Variants in NNT observed in about 807,000 individuals in gnomAD.
NNT encodes NAD(P) transhydrogenase, mitochondrial.
A neutral mutation model predicts 104.8 loss-of-function variants in NNT; 50 were observed. The ratio of observed to expected loss-of-function variants is 0.48; its 90% CI spans 0.38 to 0.60. NNT has a LOEUF of 0.60. Ranked by LOEUF, NNT falls within the 20% of genes least tolerant of loss-of-function variation. NNT has a pLI of 0.00. For synonymous variants in NNT, 461 were observed against 490.4 expected, an observed-to-expected ratio of 0.94 and a Z score of 0.79; for missense variants, 1,131 against 1,330.7, an observed-to-expected ratio of 0.85 and a Z score of 2.33.
chr5:43,660,381 T>C (rs13181483), intron 17 of NNT, among the ~76,000 whole-genome samples: 5,141 of 152,312 alleles, frequency 0.034, 135 homozygotes, highest in East Asian at 0.12. Flanking sequence ...AGTTCTCTTC[T>C]TGATGGCAAG....
intron 19 of NNT, among the ~76,000 whole-genome samples, chr5:43,679,935 T>C (rs2112122724): frequency 6.6e-6 from 1 of 151,934 alleles, no homozygotes; most frequent in South Asian, 2.1e-4. Context: ...TTCAGTCTAG[T>C]TTCTCTATTT....
intron 7 of NNT, among the ~76,000 whole-genome samples, chr5:43,629,202 C>T (rs1750545239): frequency 1.3e-5 from 2 of 152,058 alleles, no homozygotes; most frequent in African/African-American, 4.8e-5. Context: ...TATATCATAG[C>T]TTAGCTTCCA....
intron 17 of NNT, among the ~76,000 whole-genome samples, chr5:43,672,191 AT>A (rs1741140735): frequency 6.6e-6 from 1 of 151,986 alleles, no homozygotes. Context: ...TCGTCTTAAT[AT>A]TTTTTCAAGG....
chr5:43,604,984 C>G (rs1014587563), intron 1 of NNT, among the ~76,000 whole-genome samples: 1 of 152,052 alleles, frequency 6.6e-6, no homozygotes, highest in Non-Finnish European at 1.5e-5. Context: ...TGCTATTATT[C>G]CCCATTTTAA....
chr5:43,659,012 G>C (rs1178917627), intron 16 of NNT, among the ~76,000 whole-genome samples, 159 bp from the exon 17 acceptor site: 1 of 152,102 alleles, frequency 6.6e-6, no homozygotes, highest in Non-Finnish European at 1.5e-5. Flanking sequence ...TATACCTGTG[G>C]AAGTGTTGGT....
rs754633238 is a variant in NNT, at chr5:43,609,260, C to G, written c.65C>G (p.Ser22Cys). The part of the protein sequence containing the change: ...CSCPLLSNLG[S>C]CKGLRVKKDF... ...TGTCCTCTACTTAGCAATTTGGGGT[C>G]CTGTAAGGGTCTACGTGTGAAGAAG... The change falls in exon 2 of 22, where the codon TCC becomes TGC. Residue 22 changes from serine to cysteine, a missense_variant. By Grantham distance (112) the Ser-to-Cys change is moderately radical. Transcript: ENST00000344920. 1.2e-6 allele frequency: 2 copies of G among 1,613,792 alleles called. No homozygotes were observed. Among genetic ancestry groups the G allele is most frequent in the Admixed American group, 3.3e-5 (2 of 60,006 alleles).
At chr5:43,693,803 G>C (rs769568032) in intron 19 of NNT, among the ~76,000 whole-genome samples, 4 of 152,174 alleles carry the variant, frequency 2.6e-5, no homozygotes, top group Non-Finnish European at 4.4e-5. Flanking sequence ...CATTAAGATG[G>C]TGAGGTTGGA....
chr5:43,675,988 T>G (rs1741396380), intron 18 of NNT, among the ~76,000 whole-genome samples: 1 of 152,196 alleles, frequency 6.6e-6, no homozygotes, highest in Admixed American at 6.5e-5. Context: ...TTGTCAAGAT[T>G]AAATTAGATA....
chr5:43,680,162 A>G (rs970638861), intron 19 of NNT, among the ~76,000 whole-genome samples: 2 of 152,030 alleles, frequency 1.3e-5, no homozygotes, highest in Admixed American at 6.5e-5. Flanking sequence ...ATTGAAAGAG[A>G]TTTGTAGAAA....
At chr5:43,612,754 A>C in intron 2 of NNT, among the ~76,000 whole-genome samples, 154 bp from the exon 3 acceptor site, 1 of 152,236 alleles carries the variant, frequency 6.6e-6, no homozygotes, top group East Asian at 1.9e-4. Context: ...AATTATAAGT[A>C]TGAATCAGGA....
At chr5:43,693,492 ATTTTG>A (rs1447861140) in intron 19 of NNT, among the ~76,000 whole-genome samples, 7 of 152,208 alleles carry the variant, frequency 4.6e-5, no homozygotes, top group Admixed American at 2.0e-4. Context: ...TCCTTGTAAC[ATTTTG>A]GAAATGCTTT....
At chr5:43,695,309 T>A (rs16873493) in intron 19 of NNT, among the ~76,000 whole-genome samples, 1 of 152,130 alleles carries the variant, frequency 6.6e-6, no homozygotes, top group Non-Finnish European at 1.5e-5. Flanking sequence ...GATGCGCCTA[T>A]ATGAAGAGTG....
chr5:43,645,253 A>G, intron 9 of NNT, 104 bp from the exon 10 acceptor site: 2 of 563,394 alleles, frequency 3.5e-6, no homozygotes, highest in Non-Finnish European at 5.4e-6. Flanking sequence ...TTTACATAAA[A>G]TTATATTTAA....
intron 10 of NNT, chr5:43,648,391 C>A: frequency 4.9e-6 from 1 of 202,118 alleles, no homozygotes; most frequent in Non-Finnish European, 9.1e-6. Flanking sequence ...TCTTCTGTTG[C>A]AGAACAACTG....
rs1469749155 is a variant in NNT, at chr5:43,699,259, CAT to C, written c.2877-859_2877-858del. On this transcript the variant is annotated intron_variant, in intron 19 of 21. Coordinates refer to ENST00000344920, the MANE Select transcript of NNT (RefSeq NM_182977.3). ...TAGATGCTCCTGTGTGTTCCCATCA[CAT>C]GTCTTCTGTGATGTGGAGTAGTATT... Among the ~76,000 whole-genome samples the C allele has an allele frequency of 2.0e-5, 3 of 151,744 alleles. No individual in the cohort carries two copies. In the East Asian group the frequency reaches 5.8e-4, roughly 29 times the overall value.
At chr5:43,666,416 C>T (rs1262586651) in intron 17 of NNT, among the ~76,000 whole-genome samples, 1 of 152,208 alleles carries the variant, frequency 6.6e-6, no homozygotes, top group African/African-American at 2.4e-5. Context: ...CACGGCGAAA[C>T]CCCGTCTCCA....
chr5:43,660,664 G>C (rs1740306607), intron 17 of NNT, among the ~76,000 whole-genome samples: 1 of 152,200 alleles, frequency 6.6e-6, no homozygotes, highest in Admixed American at 6.5e-5. Context: ...GCCACAGGAA[G>C]CTTACAATCA....
chr5:43,691,070 A>AGAGTGTGTGTGT (rs1245517310), intron 19 of NNT, among the ~76,000 whole-genome samples: 8 of 137,402 alleles, frequency 5.8e-5, no homozygotes, highest in Admixed American at 7.3e-5. Flanking sequence ...TTTTTGAGAG[A>AGAGTGTGTGTGT]GTGTGTGTGT....
chr5:43,666,651 T>C, intron 17 of NNT: 2 of 572,568 alleles, frequency 3.5e-6, no homozygotes, highest in Non-Finnish European at 3.0e-6. Context: ...TTTTCCTGCC[T>C]CAGGTTTATT....
Sources: allele counts gnomAD v4.1 joint callset (sites outside exome capture counted in the v4.1 genomes callset), GRCh38; gene constraint gnomAD v4.1.1; transcripts MANE v1.5; gene names NCBI Gene and HGNC (gene_info 2026-07-23, HGNC 2026-07-21).